Variants in BNC2 observed in about 807,000 individuals in gnomAD.
BNC2 encodes zinc finger protein basonuclin-2.
In BNC2, 20 loss-of-function variants were observed where a neutral mutation model predicts 76.3. That is an observed-to-expected ratio of 0.26 (90% CI 0.18 to 0.38). The LOEUF is 0.38. BNC2 is among the 10% of genes least tolerant of loss of function. The probability of loss-of-function intolerance (pLI) is 1.00; values close to 1 mark genes in which losing one functional copy is unlikely to be tolerated. For synonymous variants in BNC2, 582 were observed against 514.8 expected (o/e 1.13, Z -1.77); for missense variants, 1,382 against 1,399.8 (o/e 0.99, Z 0.20).
chr9:16,476,073 G>A (rs539478863), intron 5 of BNC2: 3 of 152,216 alleles, frequency 2.0e-5, no homozygotes, highest in African/African-American at 7.2e-5. Flanking sequence ...TGAGAACGAG[G>A]AGTTTTGCTT....
At chr9:16,454,488 G>C (rs906133667) in intron 5 of BNC2, among the ~76,000 whole-genome samples, 3 of 152,038 alleles carry the variant, frequency 2.0e-5, no homozygotes, top group African/African-American at 7.2e-5. Flanking sequence ...TAGTTGTACA[G>C]AGATGGGATC....
intron 2 of BNC2, 73 bp downstream of exon 2, chr9:16,738,287 T>A: frequency 1.3e-6 from 2 of 1,506,230 alleles, no homozygotes; most frequent in South Asian, 2.3e-5. Flanking sequence ...GTGAGAGATA[T>A]ATCTTAACTA....
At chr9:16,817,358 G>T (rs1818210893) in intron 1 of BNC2, among the ~76,000 whole-genome samples, 2 of 152,060 alleles carry the variant, frequency 1.3e-5, no homozygotes, top group African/African-American at 4.8e-5. Context: ...AAATCTAAAG[G>T]TGATAATGAT....
intron 3 of BNC2, among the ~76,000 whole-genome samples, chr9:16,671,681 T>C (rs1822482052): frequency 1.3e-5 from 2 of 152,264 alleles, no homozygotes; most frequent in South Asian, 4.2e-4. Flanking sequence ...CAGGCTCTGG[T>C]TGGCAAGTAA....
chr9:16,635,238 A>G (rs1467589787), intron 3 of BNC2, among the ~76,000 whole-genome samples: 1 of 152,238 alleles, frequency 6.6e-6, no homozygotes, highest in African/African-American at 2.4e-5. Flanking sequence ...CAAGATAACT[A>G]GACTCTTTAA....
chr9:16,757,281 A>G lies in BNC2; in HGVS notation c.4-18796T>C, dbSNP rs191534837. 1.9e-3 allele frequency among the ~76,000 whole-genome samples: 290 copies of G among 152,290 alleles called. 1 individual carries two copies. The highest frequency in any genetic ancestry group is 6.8e-3 in the African/African-American group (282 of 41,558). ...ATTATACGTATTTACAGTGATCTTA[A>G]ATCTCTTGCTATATGGTACAACATC... On this transcript the variant is annotated intron_variant, in intron 1 of 6. Transcript: ENST00000380672.
At chr9:16,728,256 G>A (rs1183693154) in intron 2 of BNC2, 1 of 546,906 alleles carries the variant, frequency 1.8e-6, no homozygotes, top group Admixed American at 3.0e-5. Flanking sequence ...CCAACCATCA[G>A]CTTCAAACTC....
chr9:16,867,647 T>C (rs1052045283), intron 1 of BNC2: 4 of 152,124 alleles, frequency 2.6e-5, no homozygotes, highest in Non-Finnish European at 4.4e-5. Flanking sequence ...TCCCTTAATA[T>C]AAGAAATATT....
intron 2 of BNC2, among the ~76,000 whole-genome samples, chr9:16,729,043 G>C (rs953832777): frequency 1.3e-5 from 2 of 152,104 alleles, no homozygotes; most frequent in Non-Finnish European, 2.9e-5. Context: ...TTTTATTCAA[G>C]ATCTCTGTGG....
intron 5 of BNC2, among the ~76,000 whole-genome samples, chr9:16,457,220 G>C (rs936359152): frequency 2.0e-5 from 3 of 152,248 alleles, no homozygotes; most frequent in Admixed American, 1.3e-4. Context: ...ATGGAACAAG[G>C]GGTGTCAATA....
intron 3 of BNC2, among the ~76,000 whole-genome samples, chr9:16,592,472 G>A (rs1274903161): frequency 6.6e-6 from 1 of 152,162 alleles, no homozygotes; most frequent in African/African-American, 2.4e-5. Context: ...CAGATGAAAT[G>A]TTCAGAAGAG....
intron 3 of BNC2, among the ~76,000 whole-genome samples, chr9:16,658,829 C>T (rs7043372): frequency 1.3e-5 from 2 of 152,196 alleles, no homozygotes; most frequent in Admixed American, 6.5e-5. Context: ...TATGCCCACA[C>T]CCCCCACCCA....
chr9:16,759,128 G>C (rs902956299), intron 1 of BNC2, among the ~76,000 whole-genome samples: 2 of 152,030 alleles, frequency 1.3e-5, no homozygotes, highest in African/African-American at 4.8e-5. Context: ...TACAGAAATG[G>C]ATTACAAGTT....
intron 1 of BNC2, among the ~76,000 whole-genome samples, chr9:16,782,876 A>G (rs1826192679): frequency 6.6e-6 from 1 of 152,234 alleles, no homozygotes; most frequent in Admixed American, 6.5e-5. Flanking sequence ...GAATGTATTA[A>G]TGAATGAGTG....
In BNC2 at chr9:16,435,956, G is replaced by A. The variant is rs186911225; in HGVS notation, c.2238C>T (p.Ser746=). The A allele has an allele frequency of 1.5e-5, 24 of 1,614,060 alleles. No individual in the cohort carries two copies. In the East Asian group the frequency reaches 1.6e-4, roughly 10 times the overall value. The change falls in exon 6 of 7, where the codon AGC becomes AGT. Residue 746 remains serine, a synonymous_variant. Coordinates refer to ENST00000380672, the MANE Select transcript of BNC2 (RefSeq NM_017637.6). ...TCATCAGGACTTTTTCACTCACTTC[G>A]CTGTGAATGTGCTCATCCCCTTCCA... The part of the protein sequence containing the change: ...ESMEGDEHIH[S]EVSEKVLMNS...
At chr9:16,551,654 T>C (rs1230336887) in intron 5 of BNC2, among the ~76,000 whole-genome samples, 1 of 152,214 alleles carries the variant, frequency 6.6e-6, no homozygotes, top group Admixed American at 6.5e-5. Flanking sequence ...TTCTTCATCA[T>C]CCAGTGTAGC....
chr9:16,662,390 T>C (rs957841967), intron 3 of BNC2, among the ~76,000 whole-genome samples: 1 of 152,288 alleles, frequency 6.6e-6, no homozygotes, highest in Admixed American at 6.5e-5. Context: ...TAAATACTGA[T>C]TACAATGAGG....
intron 3 of BNC2, among the ~76,000 whole-genome samples, chr9:16,674,715 A>G (rs1044171066): frequency 2.0e-5 from 3 of 152,196 alleles, no homozygotes; most frequent in Non-Finnish European, 4.4e-5. Context: ...CTCACTTCTT[A>G]TAAGATGTAA....
Position 16,705,726 on chromosome 9 carries a change from T to C in BNC2, c.330+22071A>G, listed in dbSNP as rs1188502527. The stretch of plus-strand genomic sequence containing the variant: ...AACTTTACATTTGCATTGATAATTA[T>C]GTTATTATTAATGACAAAATGATTC... On this transcript the variant is annotated intron_variant, in intron 3 of 6. Transcript: ENST00000380672. Among the ~76,000 whole-genome samples the C allele has an allele frequency of 2.0e-5, 3 of 152,198 alleles. 1 individual carries two copies. In the East Asian group the frequency reaches 5.8e-4, roughly 29 times the overall value.
Sources: allele counts gnomAD v4.1 joint callset (sites outside exome capture counted in the v4.1 genomes callset), GRCh38; gene constraint gnomAD v4.1.1; transcripts MANE v1.5; gene names NCBI Gene and HGNC (gene_info 2026-07-23, HGNC 2026-07-21).